The following MYO3B variants were observed in gnomAD, a reference collection of about 807,000 sequenced individuals.
The protein encoded by MYO3B is myosin-IIIb.
MYO3B carries 156 observed loss-of-function variants against 174.6 expected under a neutral mutation model. That is an observed-to-expected ratio of 0.89 (90% confidence interval 0.78 to 1.02). The LOEUF (loss-of-function observed/expected upper bound fraction) is 1.02. MYO3B is among the 50% of genes least tolerant of loss of function. The pLI, the probability that MYO3B is intolerant of heterozygous loss-of-function variation, is 0.00. For synonymous variants in MYO3B, 563 were observed against 569.1 expected, an observed-to-expected ratio of 0.99 and a Z score of 0.15; for missense variants, 1,632 against 1,639.4, an observed-to-expected ratio of 1.00 and a Z score of 0.08.
Position 170,236,122 on chromosome 2 carries a change from C to A in MYO3B, c.735C>A (p.Leu245=). The A allele has an allele frequency of 1.2e-6, 2 of 1,614,180 alleles. No individual in the cohort carries two copies. Among genetic ancestry groups the A allele is most frequent in the Non-Finnish European group, 1.7e-6 (2 of 1,180,030 alleles). Residue 245 remains leucine (L), a synonymous_variant, in exon 7 of 35, where the codon CTC becomes CTA. Transcript: ENST00000408978. ...PLFDMHPVKT[L]FKIPRNPPPT... ...TTGACATGCATCCTGTGAAAACACT[C>A]TTTAAGATTCCAAGGTAAGACACAA...
intron 7 of MYO3B, among the ~76,000 whole-genome samples, chr2:170,236,518 C>T (rs1456894609): frequency 6.6e-6 from 1 of 152,138 alleles, no homozygotes; most frequent in African/African-American, 2.4e-5. Context: ...ATATGTATAT[C>T]ATATTGCTGT....
Sources: allele counts gnomAD v4.1 joint callset (sites outside exome capture counted in the v4.1 genomes callset), GRCh38; gene constraint gnomAD v4.1.1; transcripts MANE v1.5; gene names NCBI Gene and HGNC (gene_info 2026-07-23, HGNC 2026-07-21).